Variants in TRIOBP observed in about 807,000 individuals in gnomAD.
The protein encoded by TRIOBP is TRIO and F-actin-binding protein.
A neutral mutation model predicts 238.8 loss-of-function variants in TRIOBP; 169 were observed. The observed-to-expected ratio is 0.71, with a 90% CI of 0.62 to 0.80. The LOEUF (loss-of-function observed/expected upper bound fraction) is 0.80, where lower values mean the gene tolerates loss of function less well. TRIOBP is among the 30% of genes least tolerant of loss of function. TRIOBP has a pLI of 0.00. For synonymous variants in TRIOBP, 1,150 were observed against 1,274.4 expected, an observed-to-expected ratio of 0.90 and a Z score of 2.08; for missense variants, 2,838 against 3,122.6, an observed-to-expected ratio of 0.91 and a Z score of 2.17.
intron 11 of TRIOBP, among the ~76,000 whole-genome samples, chr22:37,747,173 C>T (rs976139299): frequency 2.6e-5 from 4 of 152,148 alleles, no homozygotes; most frequent in Non-Finnish European, 5.9e-5. Flanking sequence ...CTGGACTCCC[C>T]ACTTCACAGC....
chr22:37,735,642 G>A (rs931032601), intron 9 of TRIOBP, among the ~76,000 whole-genome samples, 200 bp downstream of exon 9: 4 of 152,202 alleles, frequency 2.6e-5, no homozygotes, highest in Non-Finnish European at 4.4e-5. Flanking sequence ...AGTTTTAAGC[G>A]TTTATGGGCC....
At position 37,735,026 on chromosome 22, in the gene TRIOBP, G is replaced by A; in HGVS notation, c.4690G>A (p.Gly1564Ser). The change falls in exon 9 of 24, where the codon GGC (glycine) becomes AGC (serine). Residue 1564 changes from glycine to serine, a missense_variant. Physicochemically the swap from Gly to Ser is moderately conservative, Grantham distance 56. Coordinates refer to ENST00000644935, the MANE Select transcript of TRIOBP (RefSeq NM_001039141.3). ...CGAGCTTGACTGGAGGGATCTGCTT[G>A]GCCTTCTCCGGGCACCAGGAGAGGG... ...RPELDWRDLLGLLRAPGEGVW... is the reference protein window; with the variant it reads ...RPELDWRDLLSLLRAPGEGVW... 1 of 1,609,876 alleles carries A rather than the reference G, an allele frequency of 6.2e-7. No homozygotes were observed. Among genetic ancestry groups the A allele is most frequent in the Non-Finnish European group, 8.5e-7 (1 of 1,177,206 alleles).
At chr22:37,766,756 T>C (rs866907294) in intron 18 of TRIOBP, among the ~76,000 whole-genome samples, 1 of 146,582 alleles carries the variant, frequency 6.8e-6, no homozygotes, top group Non-Finnish European at 1.5e-5. Context: ...AGGTCAGGAG[T>C]TCGAGACTAG....
intron 17 of TRIOBP, among the ~76,000 whole-genome samples, chr22:37,764,993 A>G (rs1296990689): frequency 6.6e-6 from 1 of 152,200 alleles, no homozygotes; most frequent in Non-Finnish European, 1.5e-5. Flanking sequence ...TGCCAAAAAA[A>G]CATTCCAGGC....
In TRIOBP at chr22:37,725,424, C is replaced by T. The variant is rs1316572911; in HGVS notation, c.2868C>T (p.Ala956=). ...AGACATCCTCTCCCAGCAGGCCAGCCCAGCATGACCCACCCCAGTCCTCCT... is the reference window on the plus strand; with the variant it reads ...AGACATCCTCTCCCAGCAGGCCAGCTCAGCATGACCCACCCCAGTCCTCCT... The part of the protein sequence containing the change: ...RPQTSSPSRP[A]QHDPPQSSFG... The change falls in exon 7 of 24, where the codon GCC becomes GCT. Residue 956 remains alanine (A), a synonymous_variant. Transcript: ENST00000644935. 5 of 1,610,238 alleles carry T rather than the reference C, an allele frequency of 3.1e-6. No individual in the cohort carries two copies. In the African/African-American group the frequency reaches 6.7e-5, roughly 22 times the overall value.
Position 37,757,936 on chromosome 22 carries a change from A to T in TRIOBP, c.6011A>T (p.Glu2004Val), listed in dbSNP as rs774669846. 27 of 1,556,258 alleles carry T rather than the reference A, an allele frequency of 1.7e-5. No homozygotes were observed. The highest frequency in any genetic ancestry group is 1.0e-5 in the Non-Finnish European group (12 of 1,150,766). The change falls in exon 16 of 24, where the codon GAG becomes GTG. Residue 2004 changes from glutamate (E) to valine (V), a missense_variant. Physicochemically the swap from Glu to Val is moderately radical, Grantham distance 121. Around this residue, in one of 5 missense-constraint regions of TRIOBP, gnomAD observed 2,096 missense variants for 2,137.4 expected, o/e 0.98. Transcript: ENST00000644935. ...AGGACCCCAGAGGTGCCTGCTGGTG[A>T]GGGGCCGCGCCGGGGCCTGGGTGCC... The part of the protein sequence containing the change: ...DSRTPEVPAG[E>V]GPRRGLGAPL...
chr22:37,744,196 G>C (rs573473932), intron 11 of TRIOBP, among the ~76,000 whole-genome samples: 1 of 151,992 alleles, frequency 6.6e-6, no homozygotes, highest in African/African-American at 2.4e-5. Flanking sequence ...TTTTACCAGA[G>C]ACGGGGTTTC....
At position 37,723,607 on chromosome 22, in the gene TRIOBP, C is replaced by G. The variant is rs374756168; in HGVS notation, c.1051C>G (p.Leu351Val). Reference sequence around the variant, plus strand: ...TTCCTCTCCCTCACGAAGCACCCAACTGGATAACCCCAGAACCTCTTCTAC... The same window carrying G: ...TTCCTCTCCCTCACGAAGCACCCAAGTGGATAACCCCAGAACCTCTTCTAC... ...RASSPSRSTQ[L>V]DNPRTSSTQQ... Residue 351 changes from leucine (L) to valine (V), a missense_variant, in exon 7 of 24, where the codon CTG becomes GTG. Around this residue, in one of 5 missense-constraint regions of TRIOBP, gnomAD observed 535 missense variants for 537.3 expected, o/e 1.00. Coordinates refer to ENST00000644935, the MANE Select transcript of TRIOBP (RefSeq NM_001039141.3). The G allele has an allele frequency of 4.4e-5, 71 of 1,614,044 alleles. No individual in the cohort carries two copies. The highest frequency in any genetic ancestry group is 5.3e-5 in the Non-Finnish European group (63 of 1,180,036).
intron 17 of TRIOBP, chr22:37,760,195 A>G (rs898767159): frequency 6.6e-6 from 1 of 152,358 alleles, no homozygotes. Flanking sequence ...TTCTATTAAG[A>G]ATATTTTTGC....
intron 7 of TRIOBP, among the ~76,000 whole-genome samples, chr22:37,730,237 C>T (rs974252634): frequency 6.6e-6 from 1 of 152,122 alleles, no homozygotes; most frequent in African/African-American, 2.4e-5. Context: ...ATGCTTGGTG[C>T]GGCCACATCA....
chr22:37,711,595 AC>A (rs11294993), intron 4 of TRIOBP, among the ~76,000 whole-genome samples: 109,045 of 137,592 alleles, frequency 0.79, 45,023 homozygotes, highest in East Asian at 0.95. Context: ...AAAAAAAACA[AC>A]AAAAAAAAAA....
intron 7 of TRIOBP, among the ~76,000 whole-genome samples, chr22:37,728,261 CAAAA>C (rs67412135): frequency 6.4e-5 from 5 of 78,004 alleles, no homozygotes; most frequent in African/African-American, 1.5e-4. Flanking sequence ...GACTCCGTCT[CAAAA>C]AAAAAAAAAA....
In TRIOBP at chr22:37,750,942, G is replaced by A. The variant is rs544940450; in HGVS notation, c.5323-830G>A. On this transcript the variant is annotated intron_variant, in intron 11 of 23. Coordinates refer to ENST00000644935, the MANE Select transcript of TRIOBP (RefSeq NM_001039141.3). Reference sequence around the variant, plus strand: ...AGGTAGGCTCAGAGCCATGGCAACCGGTGGCCACCTCCTCCCTGCCGGCGC... The same window carrying A: ...AGGTAGGCTCAGAGCCATGGCAACCAGTGGCCACCTCCTCCCTGCCGGCGC... The A allele has an allele frequency of 1.8e-3, 640 of 365,306 alleles. 16 individuals are homozygous for A. Among genetic ancestry groups the A allele is most frequent in the South Asian group, 0.012 (605 of 49,344 alleles). 22.6% of individuals were successfully genotyped at this position (365,306 alleles called of 1,614,324 possible).
At chr22:37,716,893 G>T (rs1351225013) in intron 6 of TRIOBP, among the ~76,000 whole-genome samples, 3 of 152,206 alleles carry the variant, frequency 2.0e-5, no homozygotes, top group African/African-American at 7.2e-5. Context: ...ACTGGTTCAG[G>T]CATGAATCAC....
chr22:37,772,877 C>T, intron 23 of TRIOBP, 113 bp downstream of exon 23: 4 of 1,338,676 alleles, frequency 3.0e-6, no homozygotes, highest in African/African-American at 1.4e-5. Context: ...CCTCCAATTC[C>T]CGTTCTGTAA....
chr22:37,711,922 A>T (rs1298404513), intron 4 of TRIOBP, among the ~76,000 whole-genome samples: 1 of 152,148 alleles, frequency 6.6e-6, no homozygotes, highest in African/African-American at 2.4e-5. Context: ...CCTTCTCTGC[A>T]GCTCCCTCCC....
chr22:37,706,330 T>G (rs1922943985), intron 3 of TRIOBP, among the ~76,000 whole-genome samples: 1 of 151,996 alleles, frequency 6.6e-6, no homozygotes, highest in South Asian at 2.1e-4. Flanking sequence ...CTGACCAAAG[T>G]CTTGCTCACG....
At chr22:37,745,006 A>G (rs530139915) in intron 11 of TRIOBP, among the ~76,000 whole-genome samples, 1 of 152,094 alleles carries the variant, frequency 6.6e-6, no homozygotes, top group African/African-American at 2.4e-5. Context: ...GCTGGATTAC[A>G]GGCGCCTGAC....
At chr22:37,755,960 G>A (rs1205061994) in intron 15 of TRIOBP, among the ~76,000 whole-genome samples, 1 of 152,186 alleles carries the variant, frequency 6.6e-6, no homozygotes, top group Non-Finnish European at 1.5e-5. Context: ...CCGTGTCTAA[G>A]CCTGTGTTAG....
Sources: allele counts gnomAD v4.1 joint callset (sites outside exome capture counted in the v4.1 genomes callset), GRCh38; gene constraint gnomAD v4.1.1; regional missense constraint gnomAD v4.1.1; transcripts MANE v1.5; gene names NCBI Gene and HGNC (gene_info 2026-07-23, HGNC 2026-07-21).